Variants in TENM2 observed in about 807,000 individuals in gnomAD.
The protein encoded by TENM2 is teneurin-2.
In TENM2, 52 loss-of-function variants were observed where a neutral mutation model predicts 245.2. That is an observed-to-expected ratio of 0.21 (90% confidence interval 0.17 to 0.27). TENM2 has a LOEUF of 0.27. TENM2 is among the 10% of genes least tolerant of loss of function. The probability of loss-of-function intolerance (pLI) is 1.00; values close to 1 mark genes in which losing one functional copy is unlikely to be tolerated. For missense variants in TENM2, 3,046 were observed against 3,666.8 expected, an observed-to-expected ratio of 0.83 and a Z score of 4.37; for synonymous variants, 1,363 against 1,438.9, an observed-to-expected ratio of 0.95 and a Z score of 1.19.
chr5:167,078,164 A>G, the TENM2 span, among the ~76,000 whole-genome samples: 861 of 152,232 alleles, frequency 5.7e-3, 10 homozygotes, highest in Admixed American at 0.016. Context: ...TACCATACTC[A>G]GGTCAATAGA....
At chr5:168,199,809 GT>G (rs1761773528) in intron 16 of TENM2, 54 bp from the exon 19 acceptor site, 1 of 1,571,340 alleles carries the variant, frequency 6.4e-7, no homozygotes, top group Non-Finnish European at 8.6e-7. Flanking sequence ...CGGGGTTACA[GT>G]TTACCTGCAC....
At chr5:167,318,581 A>G (rs1161225539) in intron 1 of TENM2, among the ~76,000 whole-genome samples, 1 of 152,186 alleles carries the variant, frequency 6.6e-6, no homozygotes, top group Non-Finnish European at 1.5e-5. Flanking sequence ...GCTGTAATTA[A>G]CTTTAAGGCC....
chr5:167,260,459 A>C, the TENM2 span, among the ~76,000 whole-genome samples: 10 of 152,144 alleles, frequency 6.6e-5, no homozygotes, highest in Non-Finnish European at 7.4e-5. Flanking sequence ...TTTCATGGCT[A>C]TATCTAGGTC....
At chr5:168,059,018 G>A in intron 6 of TENM2, among the ~76,000 whole-genome samples, 1 of 152,188 alleles carries the variant, frequency 6.6e-6, no homozygotes, top group East Asian at 1.9e-4. Flanking sequence ...AGTTCTATCT[G>A]ACTTCTGTAC....
intron 2 of TENM2, among the ~76,000 whole-genome samples, chr5:167,608,109 A>G (rs1198219083): frequency 3.3e-5 from 5 of 152,168 alleles, no homozygotes; most frequent in African/African-American, 7.2e-5. Context: ...ACTAAAAGTC[A>G]TATCACCCAA....
chr5:168,126,678 C>T, intron 11 of TENM2, 76 bp from the exon 14 acceptor site: 2 of 1,267,978 alleles, frequency 1.6e-6, no homozygotes, highest in East Asian at 2.5e-5. Flanking sequence ...GGGGTCTGGG[C>T]CATGTGCGTG....
intron 3 of TENM2, among the ~76,000 whole-genome samples, chr5:167,899,567 C>A (rs980321382): frequency 5.3e-5 from 8 of 152,182 alleles, no homozygotes; most frequent in African/African-American, 1.9e-4. Flanking sequence ...AGGTACCCTG[C>A]ACAAGGTTAC....
At chr5:167,851,431 G>A (rs73370952) in intron 2 of TENM2, among the ~76,000 whole-genome samples, 2,257 of 152,086 alleles carry the variant, frequency 0.015, 65 homozygotes, top group African/African-American at 0.05. Context: ...GATTTTTCAC[G>A]GTTTCATGCA....
chr5:167,736,521 C>T (rs1399355626), intron 2 of TENM2, among the ~76,000 whole-genome samples: 2 of 151,932 alleles, frequency 1.3e-5, no homozygotes, highest in Admixed American at 1.3e-4. Context: ...GTTTACAAAT[C>T]CTATATTGCT....
chr5:167,883,116 G>A (rs1285594004), intron 3 of TENM2, among the ~76,000 whole-genome samples: 1 of 152,100 alleles, frequency 6.6e-6, no homozygotes, highest in Non-Finnish European at 1.5e-5. Context: ...AGTGGTTTTG[G>A]TATGCTATAA....
intron 2 of TENM2, among the ~76,000 whole-genome samples, chr5:167,711,310 C>T (rs1758890939): frequency 6.6e-6 from 1 of 152,194 alleles, no homozygotes; most frequent in South Asian, 2.1e-4. Context: ...GGATAATTCT[C>T]ATATATCGAG....
At chr5:167,016,095 A>G in the TENM2 span, among the ~76,000 whole-genome samples, 1 of 152,144 alleles carries the variant, frequency 6.6e-6, no homozygotes, top group Middle Eastern at 3.4e-3. Context: ...TCTACTAAAA[A>G]TACAAAAAAT....
At chr5:167,495,964 A>G (rs1370144990) in intron 2 of TENM2, among the ~76,000 whole-genome samples, 2 of 152,096 alleles carry the variant, frequency 1.3e-5, no homozygotes, top group African/African-American at 4.8e-5. Context: ...AAAGTATTAC[A>G]GATTCTCTCA....
intron 2 of TENM2, among the ~76,000 whole-genome samples, chr5:167,818,847 A>T (rs551211210): frequency 1.3e-5 from 2 of 152,218 alleles, no homozygotes; most frequent in East Asian, 1.9e-4. Context: ...AGTGGGGAGG[A>T]TGAGAGGAAC....
intron 14 of TENM2, among the ~76,000 whole-genome samples, chr5:168,194,947 T>C (rs1761278390): frequency 6.6e-6 from 1 of 151,472 alleles, no homozygotes; most frequent in Non-Finnish European, 1.5e-5. Flanking sequence ...AGGCCAAGAG[T>C]GGAAGGCGGG....
intron 1 of TENM2, among the ~76,000 whole-genome samples, chr5:167,293,682 T>G (rs1369834215): frequency 6.6e-6 from 1 of 152,146 alleles, no homozygotes; most frequent in Non-Finnish European, 1.5e-5. Context: ...AAATAACCCC[T>G]TAAGTGGAAG....
At chr5:167,513,064 C>T (rs1288376566) in intron 2 of TENM2, among the ~76,000 whole-genome samples, 1 of 152,098 alleles carries the variant, frequency 6.6e-6, no homozygotes, top group African/African-American at 2.4e-5. Flanking sequence ...ACAAAGGTTT[C>T]CCCAAAGTCT....
the TENM2 span, among the ~76,000 whole-genome samples, chr5:167,196,470 GTA>G: frequency 3.9e-3 from 577 of 146,940 alleles, 14 homozygotes; most frequent in East Asian, 0.048. Context: ...ATATATGTGT[GTA>G]TATATATATG....
At chr5:167,051,478 G>A in the TENM2 span, among the ~76,000 whole-genome samples, 1 of 151,696 alleles carries the variant, frequency 6.6e-6, no homozygotes, top group Non-Finnish European at 1.5e-5. Flanking sequence ...TAAGACATCA[G>A]ATTGAATCAT....
Sources: allele counts gnomAD v4.1 joint callset (sites outside exome capture counted in the v4.1 genomes callset), GRCh38; gene constraint gnomAD v4.1.1; transcripts MANE v1.5; gene names NCBI Gene and HGNC (gene_info 2026-07-23, HGNC 2026-07-21).